The following AP3D1 variants were observed in gnomAD, a reference collection of about 807,000 sequenced individuals.
The protein encoded by AP3D1 is adaptor related protein complex 3 subunit delta 1, also known as AP-3 complex subunit delta-1.
In AP3D1, 51 loss-of-function variants were observed where a neutral mutation model predicts 147.6. The observed-to-expected ratio is 0.35, with a 90% CI of 0.28 to 0.44. AP3D1 has a LOEUF of 0.44. Ranked by LOEUF, AP3D1 falls within the 20% of genes least tolerant of loss-of-function variation. AP3D1 has a pLI of 1.00. For missense variants in AP3D1, 1,421 were observed against 1,624.2 expected, an observed-to-expected ratio of 0.87 and a Z score of 2.15; for synonymous variants, 760 against 663.0, an observed-to-expected ratio of 1.15 and a Z score of -2.25.
At chr19:2,162,400 A>G (rs1264568783) in intron 1 of AP3D1, among the ~76,000 whole-genome samples, 2 of 149,004 alleles carry the variant, frequency 1.3e-5, no homozygotes, top group Non-Finnish European at 3.0e-5. Context: ...TAAATCTCCG[A>G]ATTTCGAATT....
intron 31 of AP3D1, among the ~76,000 whole-genome samples, chr19:2,108,133 C>T (rs879618397): frequency 6.6e-5 from 10 of 152,150 alleles, no homozygotes; most frequent in Non-Finnish European, 1.2e-4. Context: ...AGAGAGGACA[C>T]ACTCTACTGC....
At chr19:2,141,929 T>C (rs1599489620) in intron 1 of AP3D1, among the ~76,000 whole-genome samples, 2 of 149,650 alleles carry the variant, frequency 1.3e-5, no homozygotes, top group Non-Finnish European at 3.0e-5. Flanking sequence ...TTTAAAATTA[T>C]ATATATTTAT....
At chr19:2,115,194 G>T in intron 20 of AP3D1, 25 bp downstream of exon 20, 1 of 1,603,058 alleles carries the variant, frequency 6.2e-7, no homozygotes, top group South Asian at 1.1e-5. Context: ...GACATCCTAG[G>T]ACCGGGACCT....
At position 2,129,220 on chromosome 19, in the gene AP3D1, G is replaced by C. The variant is rs370050081; in HGVS notation, c.733-57C>G. On this transcript the variant is annotated intron_variant, in intron 7 of 31. Coordinates refer to ENST00000643116, the MANE Select transcript of AP3D1 (RefSeq NM_001261826.3). ...AGGGAATGCCCCACGCAGGGTGAGG[G>C]ACAGGGGGGGCCTCGGTCACCCGCA... The C allele has an allele frequency of 4.4e-5, 71 of 1,609,072 alleles. No homozygotes were observed. The African/African-American group carries it at 9.4e-4, about 21-fold the overall frequency.
chr19:2,143,030 C>T (rs1233028978), intron 1 of AP3D1, among the ~76,000 whole-genome samples: 4 of 151,936 alleles, frequency 2.6e-5, no homozygotes, highest in South Asian at 4.2e-4. Flanking sequence ...TCCCAAAGTG[C>T]GGGGATTACA....
chr19:2,139,093 A>C (rs1193288528), intron 1 of AP3D1, among the ~76,000 whole-genome samples: 1 of 150,520 alleles, frequency 6.6e-6, no homozygotes, highest in East Asian at 1.9e-4. Flanking sequence ...AAAAGGAAAG[A>C]AGCCAGGCAT....
chr19:2,138,995 G>C (rs1450322451), intron 1 of AP3D1, among the ~76,000 whole-genome samples: 1 of 148,356 alleles, frequency 6.7e-6, no homozygotes, highest in African/African-American at 2.5e-5. Flanking sequence ...GGGAGGCAGA[G>C]GTTGCACTGA....
At chr19:2,105,911 C>T (rs897951810) in intron 31 of AP3D1, among the ~76,000 whole-genome samples, 9 of 151,968 alleles carry the variant, frequency 5.9e-5, no homozygotes. Context: ...CATGGTGAAA[C>T]CCTGGAAACC....
At position 2,114,120 on chromosome 19, in the gene AP3D1, C is replaced by CTG; in HGVS notation, c.2601+4_2601+5insCA. On this transcript the variant is annotated splice_donor_region_variant and intron_variant, in intron 22 of 31. Transcript: ENST00000643116. ...GAAGGCCGCCGCCCTGGGCACTAGC[C>CTG]TTACCTTCTTCTCCTTCTCCTTCTT... 6.4e-7 allele frequency: 1 copy of CTG among 1,550,434 alleles called. No homozygotes were observed. The highest frequency in any genetic ancestry group is 8.7e-7 in the Non-Finnish European group (1 of 1,146,188).
intron 31 of AP3D1, among the ~76,000 whole-genome samples, chr19:2,103,072 C>T (rs555482215): frequency 2.6e-5 from 4 of 152,126 alleles, no homozygotes; most frequent in African/African-American, 4.8e-5. Context: ...TGCAGTGAGC[C>T]GTGTTTGCAC....
chr19:2,125,596 G>A (rs191375853), intron 9 of AP3D1, among the ~76,000 whole-genome samples: 49 of 152,290 alleles, frequency 3.2e-4, no homozygotes, highest in African/African-American at 1.2e-3. Context: ...TGGGATTACA[G>A]GCGTGAGCCA....
intron 22 of AP3D1, 70 bp from the exon 23 acceptor site, chr19:2,113,483 G>C: frequency 1.1e-6 from 1 of 940,056 alleles, no homozygotes; most frequent in Non-Finnish European, 1.5e-6. Context: ...GGGGACAGCA[G>C]GGCCAAGGAG....
chr19:2,101,107 T>A lies in AP3D1; in HGVS notation c.*1066A>T, dbSNP rs1599429001. The A allele has an allele frequency of 6.6e-6, 1 of 152,614 alleles. No homozygotes were observed. Among genetic ancestry groups the A allele is most frequent in the East Asian group, 1.9e-4 (1 of 5,202 alleles). The allele number at this position is 152,614 out of a possible 1,614,324, so 9.5% of individuals were successfully genotyped here. The stretch of plus-strand genomic sequence containing the variant: ...AGCAAATAAATTCTTATGTAACACA[T>A]CATACAATTTCAAATCCTGGAATCA... On this transcript the variant is annotated 3_prime_UTR_variant, in exon 32 of 32. Coordinates refer to ENST00000643116, the MANE Select transcript of AP3D1 (RefSeq NM_001261826.3).
At chr19:2,110,300 C>A in intron 27 of AP3D1, 76 bp from the exon 28 acceptor site, 1 of 1,247,476 alleles carries the variant, frequency 8.0e-7, no homozygotes, top group East Asian at 2.3e-5. Context: ...GGTCTGTCCT[C>A]AGTCCCAAGT....
chr19:2,102,285 G>A lies in AP3D1; in HGVS notation c.3553-17C>T. 1.9e-6 allele frequency: 3 copies of A among 1,602,064 alleles called. No homozygotes were observed. Among genetic ancestry groups the A allele is most frequent in the Non-Finnish European group, 2.6e-6 (3 of 1,169,532 alleles). On this transcript the variant is annotated splice_polypyrimidine_tract_variant and intron_variant, in intron 31 of 31. Transcript: ENST00000643116. ...GTTCTCACCCTGTGTAAGGAAAAAAGATGGATATTTTAAAAGTGTGTGCAG... is the reference window on the plus strand; with the variant it reads ...GTTCTCACCCTGTGTAAGGAAAAAAAATGGATATTTTAAAAGTGTGTGCAG...
chr19:2,157,176 C>T (rs2019652277), intron 1 of AP3D1, among the ~76,000 whole-genome samples: 1 of 151,540 alleles, frequency 6.6e-6, no homozygotes, highest in Non-Finnish European at 1.5e-5. Flanking sequence ...GGTGCGGTGG[C>T]TCACGCCTGT....
At chr19:2,137,933 C>T in intron 2 of AP3D1, 126 bp from the exon 3 acceptor site, 2 of 719,476 alleles carry the variant, frequency 2.8e-6, no homozygotes, top group Non-Finnish European at 4.7e-6. Context: ...GTCAGCAAAC[C>T]ACCCAATACG....
intron 11 of AP3D1, among the ~76,000 whole-genome samples, chr19:2,122,678 G>A (rs2018644546): frequency 6.6e-6 from 1 of 152,252 alleles, no homozygotes; most frequent in Non-Finnish European, 1.5e-5. Context: ...CGAAAGGTAT[G>A]TGATCGCGGT....
intron 4 of AP3D1, chr19:2,133,513 T>C (rs1407367634): frequency 6.7e-6 from 1 of 149,016 alleles, no homozygotes; most frequent in Non-Finnish European, 1.5e-5. Flanking sequence ...AAGGCCAGCT[T>C]TTTTTTTTTT....
Sources: allele counts gnomAD v4.1 joint callset (sites outside exome capture counted in the v4.1 genomes callset), GRCh38; gene constraint gnomAD v4.1.1; transcripts MANE v1.5; gene names NCBI Gene and HGNC (gene_info 2026-07-23, HGNC 2026-07-21).